Variants in GRIK2 observed in about 807,000 individuals in gnomAD.
GRIK2 encodes the protein glutamate ionotropic receptor kainate type subunit 2, also known as glutamate receptor ionotropic, kainate 2.
Under a neutral mutation model 100.3 loss-of-function variants are expected in GRIK2, and 32 were observed. The ratio of observed to expected loss-of-function variants is 0.32; its 90% confidence interval spans 0.24 to 0.43. The LOEUF (loss-of-function observed/expected upper bound fraction) is 0.43. Among genes scored for constraint, GRIK2 ranks in the 20% least tolerant of loss-of-function variants. GRIK2 has a pLI of 1.00. For missense variants in GRIK2, 843 were observed against 1,114.9 expected (o/e 0.76, Z 3.47); for synonymous variants, 417 against 389.4 (o/e 1.07, Z -0.83).
rs1045520607 is a variant in GRIK2 at position 101,973,032 on chromosome 6, C to T, written c.2085+44400C>T. ...TATGATCACTTTGGCTCTCTGGGCT[C>T]CAAAATCTAATACACTTTTCTATGT... On this transcript the variant is annotated intron_variant, in intron 14 of 16. Coordinates refer to ENST00000369134, the MANE Select transcript of GRIK2 (RefSeq NM_021956.5). Among the ~76,000 whole-genome samples, 6 of 151,882 alleles carry T rather than the reference C, an allele frequency of 4.0e-5. No individual in the cohort carries two copies. In the East Asian group the frequency reaches 1.2e-3, roughly 30 times the overall value.
chr6:101,584,869 C>A (rs180805371), intron 2 of GRIK2, among the ~76,000 whole-genome samples: 1 of 151,842 alleles, frequency 6.6e-6, no homozygotes, highest in African/African-American at 2.4e-5. Flanking sequence ...GATTACAGAA[C>A]CTGACTTTTA....
intron 2 of GRIK2, among the ~76,000 whole-genome samples, chr6:101,459,140 A>T (rs1771164808): frequency 6.6e-6 from 1 of 152,130 alleles, no homozygotes; most frequent in Non-Finnish European, 1.5e-5. Context: ...TCTTGACCAG[A>T]AGCAGAAAGT....
chr6:102,041,336 A>T (rs1372983786), intron 15 of GRIK2, among the ~76,000 whole-genome samples: 1 of 151,730 alleles, frequency 6.6e-6, no homozygotes, highest in Non-Finnish European at 1.5e-5. Context: ...TATTAGTCCA[A>T]GACCATGGCT....
chr6:102,035,362 G>T lies in GRIK2; in HGVS notation c.2107G>T (p.Asp703Tyr). 1 of 1,602,274 alleles carries T rather than the reference G, an allele frequency of 6.2e-7. No individual in the cohort carries two copies. The change falls in exon 15 of 17, where the codon GAC becomes TAC. Residue 703 changes from aspartate to tyrosine, a missense_variant. By Grantham distance (160) the Asp-to-Tyr change is radical (BLOSUM62 -3). Coordinates refer to ENST00000369134, the MANE Select transcript of GRIK2 (RefSeq NM_021956.5). ...TCAGAAATCAAAAATCTCCACGTATGACAAAATGTGGGCCTTTATGAGTAG... is the reference window on the plus strand; with the variant it reads ...TCAGAAATCAAAAATCTCCACGTATTACAAAATGTGGGCCTTTATGAGTAG... The part of the protein sequence containing the change: ...FFKKSKISTY[D>Y]KMWAFMSSRR...
At chr6:101,894,767 C>T (rs1787332012) in intron 12 of GRIK2, among the ~76,000 whole-genome samples, 2 of 151,244 alleles carry the variant, frequency 1.3e-5, no homozygotes, top group Admixed American at 1.3e-4. Flanking sequence ...ATTAAAATTC[C>T]CATATATGTT....
chr6:101,753,154 C>G (rs994317679), intron 7 of GRIK2, among the ~76,000 whole-genome samples: 4 of 151,676 alleles, frequency 2.6e-5, no homozygotes, highest in African/African-American at 7.3e-5. Flanking sequence ...TGGTGGCGGG[C>G]GCCTGTAGTC....
chr6:101,519,300 CGTGTGTGTGTGTGTGTGTGTGTGT>C (rs55646921), intron 2 of GRIK2, among the ~76,000 whole-genome samples: 3 of 141,064 alleles, frequency 2.1e-5, no homozygotes, highest in East Asian at 2.2e-4. Flanking sequence ...CGGAGTTAAA[CGTGTGTGTGTGTGTGTGTGTGTGT>C]GTGTGTGTGT....
At chr6:101,407,563 T>C (rs1775660021) in intron 2 of GRIK2, among the ~76,000 whole-genome samples, 1 of 152,148 alleles carries the variant, frequency 6.6e-6, no homozygotes, top group South Asian at 2.1e-4. Flanking sequence ...TTTTCTTTCC[T>C]AGTACATTAT....
intron 7 of GRIK2, among the ~76,000 whole-genome samples, chr6:101,690,182 T>C (rs1469264117): frequency 1.3e-5 from 2 of 152,180 alleles, no homozygotes; most frequent in African/African-American, 2.4e-5. Context: ...TTAATACCAA[T>C]GTACCTGTAA....
Position 101,823,881 on chromosome 6 carries a change from T to G in GRIK2, c.1317+5398T>G, listed in dbSNP as rs59380113. 7.0e-3 allele frequency among the ~76,000 whole-genome samples: 1,062 copies of G among 151,050 alleles called. 55 individuals are homozygous for G. In the East Asian group the frequency reaches 0.17, roughly 24 times the overall value. On this transcript the variant is annotated intron_variant, in intron 10 of 16. Coordinates refer to ENST00000369134, the MANE Select transcript of GRIK2 (RefSeq NM_021956.5). ...AGTTCTGTTTTTTTTTTTTTGTTTT[T>G]TTTTTTGATGGAGTCTCGCTCTGTC...
intron 2 of GRIK2, among the ~76,000 whole-genome samples, chr6:101,427,525 G>C (rs964534707): frequency 6.6e-6 from 1 of 152,168 alleles, no homozygotes; most frequent in South Asian, 2.1e-4. Context: ...TTATCGTAAA[G>C]TGCAGCCAGT....
intron 14 of GRIK2, among the ~76,000 whole-genome samples, chr6:101,933,142 C>T (rs560120662): frequency 1.3e-5 from 2 of 152,070 alleles, no homozygotes; most frequent in South Asian, 2.1e-4. Context: ...AGGCATCACG[C>T]TTAATTTGAT....
intron 7 of GRIK2, chr6:101,745,211 G>A (rs958905883): frequency 1.3e-5 from 2 of 152,080 alleles, no homozygotes; most frequent in African/African-American, 4.8e-5. Context: ...TTGTTATTCA[G>A]TGAAAGGATA....
chr6:102,060,905 T>A (rs538560203), intron 16 of GRIK2, among the ~76,000 whole-genome samples: 2 of 150,600 alleles, frequency 1.3e-5, no homozygotes, highest in Non-Finnish European at 3.0e-5. Context: ...CCTTATGTAT[T>A]AATTTTTTAA....
At chr6:101,892,026 T>C (rs553686598) in intron 12 of GRIK2, among the ~76,000 whole-genome samples, 1 of 152,204 alleles carries the variant, frequency 6.6e-6, no homozygotes, top group African/African-American at 2.4e-5. Flanking sequence ...TACTCCAAAA[T>C]ATACAAAAAG....
At chr6:101,966,086 A>C (rs1268231957) in intron 14 of GRIK2, among the ~76,000 whole-genome samples, 2 of 152,060 alleles carry the variant, frequency 1.3e-5, no homozygotes, top group Non-Finnish European at 2.9e-5. Context: ...ATAATCTGTA[A>C]ATTTTCTCCT....
chr6:101,974,720 TGTTAGCCA>T (rs1388961128), intron 14 of GRIK2, among the ~76,000 whole-genome samples: 2 of 152,114 alleles, frequency 1.3e-5, no homozygotes. Context: ...TGATTGTAGA[TGTTAGCCA>T]CACATACAAA....
chr6:101,770,171 T>TC, intron 7 of GRIK2, among the ~76,000 whole-genome samples: 1 of 152,328 alleles, frequency 6.6e-6, no homozygotes, highest in South Asian at 2.1e-4. Context: ...GTTACTGCCT[T>TC]GTTTTTTCTG....
At chr6:101,714,192 CT>C (rs905676983) in intron 7 of GRIK2, among the ~76,000 whole-genome samples, 1 of 151,284 alleles carries the variant, frequency 6.6e-6, no homozygotes, top group Admixed American at 6.6e-5. Context: ...TTGTAAAGTT[CT>C]TTTTTTTGTC....
Sources: allele counts gnomAD v4.1 joint callset (sites outside exome capture counted in the v4.1 genomes callset), GRCh38; gene constraint gnomAD v4.1.1; transcripts MANE v1.5; gene names NCBI Gene and HGNC (gene_info 2026-07-23, HGNC 2026-07-21).